N4BP2: variants seen among roughly 807,000 people sequenced by gnomAD.
The protein encoded by N4BP2 is NEDD4-binding protein 2.
N4BP2 carries 91 observed loss-of-function variants against 152.8 expected under a neutral mutation model. That is an observed-to-expected ratio of 0.60 (90% CI 0.50 to 0.71). N4BP2 has a LOEUF of 0.71. Ranked by LOEUF, N4BP2 falls within the 30% of genes least tolerant of loss-of-function variation. N4BP2 has a pLI of 0.00. For synonymous variants in N4BP2, 646 were observed against 705.3 expected, an observed-to-expected ratio of 0.92 and a Z score of 1.33; for missense variants, 1,923 against 2,059.1, an observed-to-expected ratio of 0.93 and a Z score of 1.28.
Position 40,102,669 on chromosome 4 carries a change from T to A in N4BP2, c.824T>A (p.Val275Asp). The A allele has an allele frequency of 6.2e-7, 1 of 1,614,214 alleles. No homozygotes were observed. The highest frequency in any genetic ancestry group is 8.5e-7 in the Non-Finnish European group (1 of 1,180,052). Residue 275 changes from valine to aspartate, a missense_variant, in exon 4 of 18, where the codon GTT (valine) becomes GAT (aspartate). Transcript: ENST00000261435. The stretch of plus-strand genomic sequence containing the variant: ...AAAGAACTTTTAGAATCTGAGTGCG[T>A]TGAGGCTCAATTCTCTGAAGCTCCT... ...KQKELLESEC[V>D]EAQFSEAPVD...
At chr4:40,083,606 C>G (rs530340586) in intron 2 of N4BP2, among the ~76,000 whole-genome samples, 2 of 152,136 alleles carry the variant, frequency 1.3e-5, no homozygotes, top group African/African-American at 4.8e-5. Flanking sequence ...ATACAATTCT[C>G]TTCATATAAA....
At chr4:40,144,923 G>A (rs1720371337) in intron 16 of N4BP2, 123 bp downstream of exon 16, 2 of 672,808 alleles carry the variant, frequency 3.0e-6, no homozygotes. Flanking sequence ...ATCTGTAAAT[G>A]TTTATGTTAT....
the N4BP2 span, among the ~76,000 whole-genome samples, chr4:40,178,096 G>A: frequency 6.6e-6 from 1 of 151,506 alleles, no homozygotes; most frequent in Non-Finnish European, 1.5e-5. Context: ...GGAGGCGGAG[G>A]TTGCAGTGAG....
At chr4:40,091,166 T>C (rs1714504017) in intron 2 of N4BP2, among the ~76,000 whole-genome samples, 3 of 151,970 alleles carry the variant, frequency 2.0e-5, no homozygotes, top group Admixed American at 2.0e-4. Flanking sequence ...ATAGATTATT[T>C]GGGATTTTCT....
chr4:40,147,407 C>T (rs534277019), intron 16 of N4BP2, among the ~76,000 whole-genome samples: 106 of 152,268 alleles, frequency 7.0e-4, no homozygotes, highest in Non-Finnish European at 1.1e-3. Flanking sequence ...CATCATGGCA[C>T]GTTCTCAATG....
At position 40,121,627 on chromosome 4, in the gene N4BP2, T is replaced by C; in HGVS notation, c.3516T>C (p.Ser1172=). 1 of 1,614,170 alleles carries C rather than the reference T, an allele frequency of 6.2e-7. No homozygotes were observed. Among genetic ancestry groups the C allele is most frequent in the Non-Finnish European group, 8.5e-7 (1 of 1,179,992 alleles). ...GCCAAAGAGGAACTTTAGAGAATTC[T>C]AATTCTCCTGTGCCAGAGTTTAGCC... ...IISQRGTLEN[S]NSPVPEFSHG... Residue 1172 remains serine, a synonymous_variant, in exon 9 of 18, where the codon TCT becomes TCC. Transcript: ENST00000261435.
chr4:40,129,958 T>C (rs1718770465), intron 12 of N4BP2, among the ~76,000 whole-genome samples: 1 of 152,216 alleles, frequency 6.6e-6, no homozygotes, highest in African/African-American at 2.4e-5. Flanking sequence ...TTTAGAAACT[T>C]TGACCCGATA....
At chr4:40,134,908 TCTC>T (rs1719227218) in intron 13 of N4BP2, among the ~76,000 whole-genome samples, 1 of 114,950 alleles carries the variant, frequency 8.7e-6, no homozygotes, top group African/African-American at 2.7e-5. Flanking sequence ...TTCCTTTCTC[TCTC>T]TCTCTCTCTC....
chr4:40,181,084 A>G, the N4BP2 span, among the ~76,000 whole-genome samples: 1 of 152,304 alleles, frequency 6.6e-6, no homozygotes, highest in Admixed American at 6.5e-5. Context: ...TGGGAGGCAG[A>G]GGTTGCAGTA....
At chr4:40,131,966 A>G in intron 13 of N4BP2, 47 bp downstream of exon 13, 1 of 1,098,844 alleles carries the variant, frequency 9.1e-7, no homozygotes, top group Non-Finnish European at 1.4e-6. Flanking sequence ...GATGTCACTG[A>G]AAGCATATGC....
In N4BP2 at chr4:40,120,317, G is replaced by T. The variant is rs1201025462; in HGVS notation, c.2206G>T (p.Asp736Tyr). ...TTGCTGTAGTGAAAATAATCAAGAAGACTGTGATCTTGCAAATAGTGGACC... is the reference window on the plus strand; with the variant it reads ...TTGCTGTAGTGAAAATAATCAAGAATACTGTGATCTTGCAAATAGTGGACC... ...STCCSENNQE[D>Y]CDLANSGPLQ... Residue 736 changes from aspartate (D) to tyrosine (Y), a missense_variant, in exon 9 of 18, where the codon GAC (aspartate) becomes TAC (tyrosine). Coordinates refer to ENST00000261435, the MANE Select transcript of N4BP2 (RefSeq NM_018177.6). The T allele has an allele frequency of 1.9e-6, 3 of 1,612,588 alleles. No homozygotes were observed. In the African/African-American group the frequency reaches 4.0e-5, roughly 22 times the overall value.
At chr4:40,128,537 C>G (rs1718629336) in intron 12 of N4BP2, among the ~76,000 whole-genome samples, 1 of 130,472 alleles carries the variant, frequency 7.7e-6, no homozygotes, top group Admixed American at 8.1e-5. Flanking sequence ...TTTCTTCTTT[C>G]TGTTTTTTTT....
chr4:40,149,150 G>A (rs76088122), intron 16 of N4BP2, among the ~76,000 whole-genome samples: 1,629 of 152,218 alleles, frequency 0.011, 30 homozygotes, highest in African/African-American at 0.037. Context: ...ATGTCTTTAC[G>A]GAAACTTGCA....
chr4:40,144,582 C>T (rs1315487454), intron 15 of N4BP2, 50 bp from the exon 16 acceptor site: 1 of 1,464,516 alleles, frequency 6.8e-7, no homozygotes, highest in African/African-American at 1.4e-5. Flanking sequence ...TCCTCATCAC[C>T]CAAGTAGCAA....
rs978153023 is a variant in N4BP2, at chr4:40,101,955, A to G, written c.230-120A>G. The G allele has an allele frequency of 1.6e-5, 9 of 548,380 alleles. No individual in the cohort carries two copies. In the African/African-American group the frequency reaches 1.7e-4, roughly 10 times the overall value. The allele number at this position is 548,380 out of a possible 1,614,324, so 34.0% of individuals were successfully genotyped here. ...TTTTTAAAAATAACATGAATATTGTACATTTATATTCTGTTCAATGCAAAA... is the reference window on the plus strand; with the variant it reads ...TTTTTAAAAATAACATGAATATTGTGCATTTATATTCTGTTCAATGCAAAA... On this transcript the variant is annotated intron_variant, in intron 3 of 17. Coordinates refer to ENST00000261435, the MANE Select transcript of N4BP2 (RefSeq NM_018177.6).
rs879589991 is a variant in N4BP2 at position 40,120,701 on chromosome 4, A to C, written c.2590A>C (p.Asn864His). 5.6e-6 allele frequency: 9 copies of C among 1,614,146 alleles called. No individual in the cohort carries two copies. The highest frequency in any genetic ancestry group is 1.1e-5 in the South Asian group (1 of 91,076). Residue 864 changes from asparagine (N) to histidine (H), a missense_variant, in exon 9 of 18, where the codon AAT becomes CAT. By Grantham distance (68) the Asn-to-His change is moderately conservative (BLOSUM62 1). Transcript: ENST00000261435. The part of the protein sequence containing the change: ...SQCDDASEPL[N>H]SYKYDAYKNI... ...GTGTGATGATGCTTCAGAGCCACTC[A>C]ATAGCTATAAATATGATGCTTATAA...
At chr4:40,110,633 G>T (rs1482617112) in intron 5 of N4BP2, among the ~76,000 whole-genome samples, 1 of 152,160 alleles carries the variant, frequency 6.6e-6, no homozygotes, top group East Asian at 1.9e-4. Context: ...CGCCTCCTGG[G>T]TTCAAGTGAT....
intron 5 of N4BP2, among the ~76,000 whole-genome samples, chr4:40,107,864 A>G (rs1716472697): frequency 6.6e-6 from 1 of 151,944 alleles, no homozygotes; most frequent in Admixed American, 6.6e-5. Flanking sequence ...TGAGAAGTAA[A>G]TCTAATTTTC....
At position 40,141,038 on chromosome 4, in the gene N4BP2, C is replaced by G. The variant is rs1021035718; in HGVS notation, c.4786-1635C>G. ...TCCGATTTCTCACTCTTTTCCCCACCTCTCCCCACTTTCTACTCCACAAAA... is the reference window on the plus strand; with the variant it reads ...TCCGATTTCTCACTCTTTTCCCCACGTCTCCCCACTTTCTACTCCACAAAA... On this transcript the variant is annotated intron_variant, in intron 14 of 17. Coordinates refer to ENST00000261435, the MANE Select transcript of N4BP2 (RefSeq NM_018177.6). Among the ~76,000 whole-genome samples the G allele has an allele frequency of 9.2e-5, 14 of 151,926 alleles. No individual in the cohort carries two copies. The East Asian group carries it at 1.5e-3, about 17-fold the overall frequency.
Sources: allele counts gnomAD v4.1 joint callset (sites outside exome capture counted in the v4.1 genomes callset), GRCh38; gene constraint gnomAD v4.1.1; transcripts MANE v1.5; gene names NCBI Gene and HGNC (gene_info 2026-07-23, HGNC 2026-07-21).